Variants in OXR1 observed in about 807,000 individuals in gnomAD.
OXR1 encodes the protein oxidation resistance protein 1.
In OXR1, 41 loss-of-function variants were observed where a neutral mutation model predicts 104.6. The ratio of observed to expected loss-of-function variants is 0.39; its 90% CI spans 0.31 to 0.51. OXR1 has a LOEUF of 0.51. Ranked by LOEUF, OXR1 falls within the 20% of genes least tolerant of loss-of-function variation. The pLI is 0.77. For synonymous variants in OXR1, 348 were observed against 348.4 expected, an observed-to-expected ratio of 1.00 and a Z score of 0.01; for missense variants, 955 against 1,031.9, an observed-to-expected ratio of 0.93 and a Z score of 1.02.
At chr8:106,351,292 G>T (rs1232785810) in intron 1 of OXR1, among the ~76,000 whole-genome samples, 1 of 152,154 alleles carries the variant, frequency 6.6e-6, no homozygotes, top group Non-Finnish European at 1.5e-5. Context: ...TTACAATCTA[G>T]ATGGAAAACA....
At chr8:106,479,853 C>T (rs1822009735) in intron 2 of OXR1, among the ~76,000 whole-genome samples, 1 of 151,896 alleles carries the variant, frequency 6.6e-6, no homozygotes, top group African/African-American at 2.4e-5. Flanking sequence ...AATTTACTCT[C>T]CAAAAGATTA....
At chr8:106,478,957 G>A (rs1477483929) in intron 2 of OXR1, among the ~76,000 whole-genome samples, 2 of 151,754 alleles carry the variant, frequency 1.3e-5, no homozygotes, top group African/African-American at 4.8e-5. Flanking sequence ...ATGATAGTTT[G>A]TTTCTTATCC....
chr8:106,304,032 ATCAAG>A (rs1563706342), intron 1 of OXR1, among the ~76,000 whole-genome samples: 1 of 152,168 alleles, frequency 6.6e-6, no homozygotes, highest in Non-Finnish European at 1.5e-5. Context: ...AATTCATTCA[ATCAAG>A]TCTTTTCTGA....
At chr8:106,319,502 A>G (rs995256020) in intron 1 of OXR1, among the ~76,000 whole-genome samples, 9 of 152,224 alleles carry the variant, frequency 5.9e-5, no homozygotes, top group Non-Finnish European at 1.0e-4. Flanking sequence ...GAGGTAGAGC[A>G]ATTAAAGCTC....
intron 3 of OXR1, among the ~76,000 whole-genome samples, chr8:106,678,824 A>G (rs951093913): frequency 4.6e-5 from 7 of 152,058 alleles, no homozygotes; most frequent in Admixed American, 2.0e-4. Context: ...ACAATTTCTT[A>G]TTTGGAAAAT....
intron 1 of OXR1, among the ~76,000 whole-genome samples, chr8:106,322,700 A>C (rs563901670): frequency 1.6e-4 from 25 of 152,316 alleles, no homozygotes; most frequent in Non-Finnish European, 2.5e-4. Flanking sequence ...CGGAGTACAA[A>C]ATCAATGTAA....
At chr8:106,374,280 A>G (rs1012475686) in intron 2 of OXR1, among the ~76,000 whole-genome samples, 24 of 152,062 alleles carry the variant, frequency 1.6e-4, no homozygotes, top group Admixed American at 1.2e-3. Context: ...CTTTTTTCCT[A>G]CTACTGCTTT....
intron 2 of OXR1, among the ~76,000 whole-genome samples, chr8:106,399,192 T>C (rs1469686983): frequency 6.6e-6 from 1 of 152,166 alleles, no homozygotes; most frequent in Non-Finnish European, 1.5e-5. Context: ...ACAGACACAT[T>C]AATTCCATAA....
intron 3 of OXR1, among the ~76,000 whole-genome samples, chr8:106,570,955 G>C (rs927651101): frequency 1.3e-5 from 2 of 151,840 alleles, no homozygotes; most frequent in East Asian, 3.9e-4. Context: ...GCTTGGTATG[G>C]GGTCATGCCA....
At chr8:106,371,908 G>A (rs1406361290) in intron 2 of OXR1, among the ~76,000 whole-genome samples, 1 of 152,226 alleles carries the variant, frequency 6.6e-6, no homozygotes, top group Admixed American at 6.5e-5. Flanking sequence ...AGCACAGCCT[G>A]GAACTAGAGA....
chr8:106,733,933 G>A (rs1409120159), intron 11 of OXR1, among the ~76,000 whole-genome samples: 2 of 150,096 alleles, frequency 1.3e-5, no homozygotes, highest in African/African-American at 4.9e-5. Context: ...AAGACAGGAA[G>A]TGATTTTAAA....
Position 106,338,342 on chromosome 8 carries a change from G to C in OXR1, c.-138-21134G>C, listed in dbSNP as rs533496208. Reference sequence around the variant, plus strand: ...TGTAATCCCAGCACTTTGGGAGGCCGGGGTGGGCGGATCACCTGAGGTCAG... The same window carrying C: ...TGTAATCCCAGCACTTTGGGAGGCCCGGGTGGGCGGATCACCTGAGGTCAG... On this transcript the variant is annotated intron_variant, in intron 1 of 16. Coordinates refer to ENST00000517566, the MANE Select transcript of OXR1 (RefSeq NM_001198533.2). 5.3e-4 allele frequency among the ~76,000 whole-genome samples: 80 copies of C among 152,146 alleles called. 1 individual carries two copies. In the South Asian group the frequency reaches 0.016, roughly 30 times the overall value.
intron 3 of OXR1, among the ~76,000 whole-genome samples, chr8:106,622,662 G>A (rs764340345): frequency 6.6e-6 from 1 of 151,876 alleles, no homozygotes; most frequent in Non-Finnish European, 1.5e-5. Context: ...ACTTTCTTCG[G>A]GTTCTTATAA....
chr8:106,584,817 G>T (rs1818511729), intron 3 of OXR1, among the ~76,000 whole-genome samples: 1 of 152,072 alleles, frequency 6.6e-6, no homozygotes, highest in South Asian at 2.1e-4. Context: ...TCCTGCACAG[G>T]GTGATTCTAA....
chr8:106,393,266 A>G (rs1459263257), intron 2 of OXR1, among the ~76,000 whole-genome samples: 2 of 152,182 alleles, frequency 1.3e-5, no homozygotes, highest in African/African-American at 4.8e-5. Flanking sequence ...CAAATTTCCT[A>G]ATGGTAAATT....
chr8:106,286,486 A>G (rs1812507462), intron 1 of OXR1, among the ~76,000 whole-genome samples: 1 of 151,832 alleles, frequency 6.6e-6, no homozygotes, highest in South Asian at 2.1e-4. Context: ...TCTGGTATAG[A>G]TGTAAAAATT....
chr8:106,629,937 T>TA (rs1822520389), intron 3 of OXR1, among the ~76,000 whole-genome samples: 1 of 152,198 alleles, frequency 6.6e-6, no homozygotes, highest in South Asian at 2.1e-4. Context: ...GTCAATGTGA[T>TA]CTAAATACAG....
intron 2 of OXR1, among the ~76,000 whole-genome samples, chr8:106,515,533 G>A (rs1009123304): frequency 4.6e-5 from 7 of 152,104 alleles, no homozygotes; most frequent in Non-Finnish European, 1.0e-4. Flanking sequence ...GTCACATTGT[G>A]TGGTATTTGT....
chr8:106,736,235 CAT>C (rs1223134291), intron 11 of OXR1, among the ~76,000 whole-genome samples: 1 of 146,774 alleles, frequency 6.8e-6, no homozygotes, highest in Admixed American at 7.1e-5. Context: ...AGTCAGCTAA[CAT>C]ATTGTATGCT....
Sources: allele counts gnomAD v4.1 joint callset (sites outside exome capture counted in the v4.1 genomes callset), GRCh38; gene constraint gnomAD v4.1.1; transcripts MANE v1.5; gene names NCBI Gene and HGNC (gene_info 2026-07-23, HGNC 2026-07-21).